Variants in MGAT4C observed in about 807,000 individuals in gnomAD.
The protein encoded by MGAT4C is alpha-1,3-mannosyl-glycoprotein 4-beta-N-acetylglucosaminyltransferase C.
In MGAT4C, 19 loss-of-function variants were observed where a neutral mutation model predicts 40.1. The observed-to-expected ratio is 0.47, with a 90% confidence interval of 0.33 to 0.70. The LOEUF (loss-of-function observed/expected upper bound fraction) is 0.70, where lower values mean the gene tolerates loss of function less well. Among genes scored for constraint, MGAT4C ranks in the 30% least tolerant of loss-of-function variants. MGAT4C has a pLI of 0.02. For missense variants in MGAT4C, 491 were observed against 563.2 expected (o/e 0.87, Z 1.30); for synonymous variants, 181 against 187.1 (o/e 0.97, Z 0.27).
At chr12:86,406,538 A>G (rs1296623799) in intron 3 of MGAT4C, among the ~76,000 whole-genome samples, 6 of 152,114 alleles carry the variant, frequency 3.9e-5, no homozygotes, top group Non-Finnish European at 8.8e-5. Context: ...ATCACTACAT[A>G]TCTATATGTA....
At chr12:86,662,400 T>A (rs1964000812) in intron 2 of MGAT4C, among the ~76,000 whole-genome samples, 1 of 152,178 alleles carries the variant, frequency 6.6e-6, no homozygotes, top group Admixed American at 6.5e-5. Context: ...TGAAGAATAA[T>A]CTCCCTATGA....
At chr12:86,639,292 AT>A (rs1291292152) in intron 2 of MGAT4C, among the ~76,000 whole-genome samples, 1 of 151,802 alleles carries the variant, frequency 6.6e-6, no homozygotes, top group Non-Finnish European at 1.5e-5. Context: ...CAGGCAATCT[AT>A]TCTTTATTTT....
chr12:85,993,790 C>A (rs1405077606), intron 2 of MGAT4C, among the ~76,000 whole-genome samples: 3 of 152,150 alleles, frequency 2.0e-5, no homozygotes, highest in Non-Finnish European at 4.4e-5. Context: ...TTCCAGTAGC[C>A]ACCTTGTGGA....
At chr12:86,558,021 T>C (rs1315880524) in intron 2 of MGAT4C, among the ~76,000 whole-genome samples, 2 of 151,704 alleles carry the variant, frequency 1.3e-5, no homozygotes, top group Non-Finnish European at 2.9e-5. Context: ...ATAGATGTAA[T>C]AAAAAGCAAC....
chr12:86,564,292 C>A (rs917020371), intron 2 of MGAT4C, among the ~76,000 whole-genome samples: 3 of 152,050 alleles, frequency 2.0e-5, no homozygotes, highest in Non-Finnish European at 4.4e-5. Context: ...TTGGCAAATC[C>A]CTTTTTTTTT....
At chr12:86,499,015 T>G (rs1245207463) in intron 2 of MGAT4C, among the ~76,000 whole-genome samples, 1 of 151,992 alleles carries the variant, frequency 6.6e-6, no homozygotes, top group East Asian at 1.9e-4. Context: ...ATTTTGTAAA[T>G]AAACAGTGGA....
intron 2 of MGAT4C, among the ~76,000 whole-genome samples, chr12:86,001,025 C>T (rs1407089290): frequency 6.6e-6 from 1 of 152,086 alleles, no homozygotes; most frequent in Non-Finnish European, 1.5e-5. Flanking sequence ...TTCAATGGCT[C>T]ATAATTTTGT....
intron 1 of MGAT4C, among the ~76,000 whole-genome samples, chr12:86,133,510 C>G (rs1881533751): frequency 6.6e-6 from 1 of 152,138 alleles, no homozygotes; most frequent in South Asian, 2.1e-4. Context: ...GACAGCTTAT[C>G]TTTTATGAAG....
At chr12:86,177,652 G>T (rs1245325586) in intron 1 of MGAT4C, among the ~76,000 whole-genome samples, 3 of 151,876 alleles carry the variant, frequency 2.0e-5, no homozygotes, top group Admixed American at 2.0e-4. Context: ...GATTTATGGA[G>T]AAAAAGTAAA....
chr12:85,996,897 C>T (rs372809429), intron 2 of MGAT4C, among the ~76,000 whole-genome samples: 221 of 152,216 alleles, frequency 1.5e-3, no homozygotes, highest in African/African-American at 5.0e-3. Context: ...ACTGAACATG[C>T]AAATACAAAA....
intron 1 of MGAT4C, among the ~76,000 whole-genome samples, chr12:86,247,797 A>C (rs1466856133): frequency 6.6e-6 from 1 of 152,150 alleles, no homozygotes; most frequent in Non-Finnish European, 1.5e-5. Flanking sequence ...GGGCCTTATG[A>C]AGCATACTAG....
At position 86,044,945 on chromosome 12, in the gene MGAT4C, C is replaced by T. The variant is rs1233996867; in HGVS notation, c.-7+4729G>A. Reference sequence around the variant, plus strand: ...TCAGGTTTCCAGGATTCCAGAGGTTCATGGTGAGGGCAGGTTGCTCCTCAC... The same window carrying T: ...TCAGGTTTCCAGGATTCCAGAGGTTTATGGTGAGGGCAGGTTGCTCCTCAC... On this transcript the variant is annotated intron_variant, in intron 2 of 4. Coordinates refer to ENST00000611864, the MANE Select transcript of MGAT4C (RefSeq NM_001351288.2). 2.6e-5 allele frequency among the ~76,000 whole-genome samples: 4 copies of T among 152,222 alleles called. No homozygotes were observed. The East Asian group carries it at 5.8e-4, about 22-fold the overall frequency.
chr12:86,104,274 AAG>A (rs1380998746), intron 1 of MGAT4C, among the ~76,000 whole-genome samples: 12 of 151,524 alleles, frequency 7.9e-5, no homozygotes, highest in African/African-American at 2.9e-4. Flanking sequence ...AAAAAAAAAA[AAG>A]AAAAATACAA....
intron 3 of MGAT4C, among the ~76,000 whole-genome samples, chr12:86,359,119 C>T (rs1297456372): frequency 2.0e-5 from 3 of 152,162 alleles, no homozygotes; most frequent in Non-Finnish European, 4.4e-5. Flanking sequence ...GAAATCACAA[C>T]AAACTGTCTT....
chr12:86,687,154 A>T (rs1950087638), intron 2 of MGAT4C, among the ~76,000 whole-genome samples: 1 of 152,044 alleles, frequency 6.6e-6, no homozygotes, highest in Non-Finnish European at 1.5e-5. Context: ...GTATTCTTTG[A>T]TGGTCTTTTG....
chr12:86,275,980 G>T (rs553320469), intron 4 of MGAT4C, among the ~76,000 whole-genome samples: 1 of 135,486 alleles, frequency 7.4e-6, no homozygotes, highest in East Asian at 2.1e-4. Flanking sequence ...AAAATTAGCC[G>T]GGCGTGGTGT....
At chr12:86,271,416 AT>A (rs1267641328) in intron 4 of MGAT4C, among the ~76,000 whole-genome samples, 11 of 152,234 alleles carry the variant, frequency 7.2e-5, no homozygotes, top group Admixed American at 1.3e-4. Flanking sequence ...TGTATAAAAA[AT>A]GATCAGTCAA....
At chr12:86,161,230 A>T (rs1885553330) in intron 1 of MGAT4C, among the ~76,000 whole-genome samples, 1 of 152,154 alleles carries the variant, frequency 6.6e-6, no homozygotes, top group Non-Finnish European at 1.5e-5. Context: ...ACAAAACTTC[A>T]GCTATCACAG....
intron 2 of MGAT4C, among the ~76,000 whole-genome samples, chr12:86,624,696 G>A (rs530718037): frequency 1.3e-5 from 2 of 152,018 alleles, no homozygotes; most frequent in Non-Finnish European, 2.9e-5. Context: ...CCACATAGAG[G>A]TGCCACATTA....
Sources: allele counts gnomAD v4.1 joint callset (sites outside exome capture counted in the v4.1 genomes callset), GRCh38; gene constraint gnomAD v4.1.1; transcripts MANE v1.5; gene names NCBI Gene and HGNC (gene_info 2026-07-23, HGNC 2026-07-21).